PRIM2: variants seen among roughly 807,000 people sequenced by gnomAD.
PRIM2 encodes DNA primase subunit 2, also known as DNA primase large subunit.
PRIM2 carries 39 observed loss-of-function variants against 67.3 expected under a neutral mutation model. The observed-to-expected ratio is 0.58, with a 90% CI of 0.45 to 0.76. The LOEUF is 0.76. PRIM2 is among the 30% of genes least tolerant of loss of function. PRIM2 has a pLI of 0.00. For missense variants in PRIM2, 398 were observed against 598.7 expected, an observed-to-expected ratio of 0.66 and a Z score of 3.50; for synonymous variants, 143 against 198.7, an observed-to-expected ratio of 0.72 and a Z score of 2.36.
Position 57,646,039 on chromosome 6 carries a change from C to A in PRIM2, c.1411C>A (p.Pro471Thr). Residue 471 changes from proline to threonine, a missense_variant, in exon 14 of 14, where the codon CCT (proline) becomes ACT (threonine). This residue lies in a region of PRIM2 where 72 missense variants were observed against 89.4 expected (regional missense o/e 0.81). Coordinates refer to ENST00000615550, the MANE Select transcript of PRIM2 (RefSeq NM_000947.5). ...GAAGGAACCTATCCAACCAGAAACTCCTCAACCCAAACCAAGTGTCCAGAA... is the reference window on the plus strand; with the variant it reads ...GAAGGAACCTATCCAACCAGAAACTACTCAACCCAAACCAAGTGTCCAGAA... Reference protein sequence around the residue: ...IKKEPIQPETPQPKPSVQKTK... With the variant: ...IKKEPIQPETTQPKPSVQKTK... 6.2e-7 allele frequency: 1 copy of A among 1,603,328 alleles called. No individual in the cohort carries two copies. The highest frequency in any genetic ancestry group is 2.2e-5 in the East Asian group (1 of 44,824).
chr6:57,321,083 A>C (rs568084883), intron 3 of PRIM2, among the ~76,000 whole-genome samples: 1 of 152,188 alleles, frequency 6.6e-6, no homozygotes, highest in African/African-American at 2.4e-5. Flanking sequence ...CATGTCTGTT[A>C]GGAGGGAAAC....
intron 7 of PRIM2, among the ~76,000 whole-genome samples, chr6:57,413,880 A>G (rs1225602330): frequency 6.6e-6 from 1 of 152,130 alleles, no homozygotes; most frequent in Non-Finnish European, 1.5e-5. Context: ...AGAAGCTACT[A>G]TACACTTAGC....
the PRIM2 span, among the ~76,000 whole-genome samples, chr6:57,274,295 C>T: frequency 1.4e-4 from 22 of 152,156 alleles, no homozygotes; most frequent in South Asian, 6.2e-4. Flanking sequence ...GCTTCCCTGC[C>T]GCTTTGTTTA....
the PRIM2 span, among the ~76,000 whole-genome samples, chr6:57,236,521 T>C: frequency 6.6e-6 from 1 of 152,112 alleles, no homozygotes; most frequent in Admixed American, 6.6e-5. Context: ...ACCCATTAAC[T>C]CGTCATTTAC....
intron 10 of PRIM2, among the ~76,000 whole-genome samples, chr6:57,548,738 T>A (rs1775339507): frequency 6.6e-6 from 1 of 152,000 alleles, no homozygotes; most frequent in Admixed American, 6.6e-5. Context: ...ATATGAAAAA[T>A]TATGAATTGG....
chr6:57,232,481 G>A, the PRIM2 span, among the ~76,000 whole-genome samples: 7 of 152,256 alleles, frequency 4.6e-5, no homozygotes, highest in South Asian at 4.2e-4. Flanking sequence ...GAACTGAGGC[G>A]GAGGTTGCAG....
intron 5 of PRIM2, among the ~76,000 whole-genome samples, chr6:57,377,768 C>T (rs551146835): frequency 6.6e-6 from 1 of 151,866 alleles, no homozygotes; most frequent in African/African-American, 2.4e-5. Context: ...TTATATAGGC[C>T]TAATCATCTC....
In PRIM2 at chr6:57,577,975, A is replaced by G. The variant is rs1468405928; in HGVS notation, c.1021-23118A>G. 3.3e-4 allele frequency among the ~76,000 whole-genome samples: 50 copies of G among 152,246 alleles called. 1 individual carries two copies. Among genetic ancestry groups the G allele is most frequent in the African/African-American group, 1.1e-3 (47 of 41,552 alleles). On this transcript the variant is annotated intron_variant, in intron 10 of 13. Coordinates refer to ENST00000615550, the MANE Select transcript of PRIM2 (RefSeq NM_000947.5). ...GATCCAGTTCAAGACTCCACGTTGCATTTAGTTCTCATGTCTCCTAATCTC... is the reference window on the plus strand; with the variant it reads ...GATCCAGTTCAAGACTCCACGTTGCGTTTAGTTCTCATGTCTCCTAATCTC...
intron 7 of PRIM2, among the ~76,000 whole-genome samples, chr6:57,392,083 T>C (rs570976638): frequency 3.9e-4 from 60 of 152,264 alleles, no homozygotes; most frequent in Admixed American, 2.5e-3. Context: ...TGTTGCGATC[T>C]TTCACCTCCC....
chr6:57,372,050 A>T (rs1175604190), intron 5 of PRIM2, among the ~76,000 whole-genome samples: 1 of 152,262 alleles, frequency 6.6e-6, no homozygotes, highest in Non-Finnish European at 1.5e-5. Flanking sequence ...CTCAATTTAC[A>T]TACTCTACAA....
At chr6:57,365,254 A>G (rs1170412788) in intron 5 of PRIM2, among the ~76,000 whole-genome samples, 1 of 150,376 alleles carries the variant, frequency 6.6e-6, no homozygotes, top group East Asian at 1.9e-4. Flanking sequence ...CACTGCTGTT[A>G]CATTCACTCA....
At chr6:57,620,650 C>T (rs1166496910) in intron 12 of PRIM2, among the ~76,000 whole-genome samples, 53,588 of 142,164 alleles carry the variant, frequency 0.38, 9,599 homozygotes, top group East Asian at 0.48. Context: ...AAAATAAAAA[C>T]ACAAGTTAAA....
intron 7 of PRIM2, among the ~76,000 whole-genome samples, chr6:57,500,165 C>T (rs1554346732): frequency 2.0e-5 from 3 of 152,138 alleles, no homozygotes; most frequent in African/African-American, 7.2e-5. Context: ...TTCTTATGTA[C>T]ATGTCTTCCT....
At chr6:57,420,850 A>C (rs1376074516) in intron 7 of PRIM2, among the ~76,000 whole-genome samples, 1 of 152,250 alleles carries the variant, frequency 6.6e-6, no homozygotes, top group Non-Finnish European at 1.5e-5. Flanking sequence ...GAGATGCCAT[A>C]GAAATATTCA....
At chr6:57,262,368 C>T in the PRIM2 span, among the ~76,000 whole-genome samples, 1 of 152,154 alleles carries the variant, frequency 6.6e-6, no homozygotes, top group African/African-American at 2.4e-5. Context: ...CCCCTTCCTA[C>T]TCGACTGAAA....
At chr6:57,640,398 A>C (rs1232464650) in intron 13 of PRIM2, among the ~76,000 whole-genome samples, 33 of 152,312 alleles carry the variant, frequency 2.2e-4, no homozygotes, top group Non-Finnish European at 3.5e-4. Flanking sequence ...GCAATCAGGC[A>C]AGAGAAAGAA....
chr6:57,282,873 C>T, the PRIM2 span, among the ~76,000 whole-genome samples: 19 of 152,166 alleles, frequency 1.2e-4, no homozygotes, highest in Admixed American at 3.3e-4. Context: ...GGCAGTCCTA[C>T]TAAACGAATG....
At chr6:57,241,557 A>T in the PRIM2 span, among the ~76,000 whole-genome samples, 1 of 152,132 alleles carries the variant, frequency 6.6e-6, no homozygotes, top group Non-Finnish European at 1.5e-5. Context: ...TAGCAAGGAT[A>T]GAAATGGCTG....
chr6:57,385,257 A>G (rs1391174154), intron 7 of PRIM2, among the ~76,000 whole-genome samples: 1 of 152,212 alleles, frequency 6.6e-6, no homozygotes, highest in Admixed American at 6.5e-5. Flanking sequence ...TTAAGAAATA[A>G]GAGTATTTAT....
Sources: allele counts gnomAD v4.1 joint callset (sites outside exome capture counted in the v4.1 genomes callset), GRCh38; gene constraint gnomAD v4.1.1; regional missense constraint gnomAD v4.1.1; transcripts MANE v1.5; gene names NCBI Gene and HGNC (gene_info 2026-07-23, HGNC 2026-07-21).